MPRIP: variants seen among roughly 807,000 people sequenced by gnomAD.
MPRIP encodes myosin phosphatase Rho-interacting protein.
MPRIP carries 59 observed loss-of-function variants against 234.9 expected under a neutral mutation model. That is an observed-to-expected ratio of 0.25 (90% CI 0.20 to 0.31). MPRIP has a LOEUF of 0.31. MPRIP is among the 10% of genes least tolerant of loss of function. MPRIP has a pLI of 1.00. For missense variants in MPRIP, 2,436 were observed against 3,071.0 expected, an observed-to-expected ratio of 0.79 and a Z score of 4.89; for synonymous variants, 1,144 against 1,263.9, an observed-to-expected ratio of 0.91 and a Z score of 2.01.
At position 17,166,217 on chromosome 17, in the gene MPRIP, T is replaced by C. The variant is rs1330624442; in HGVS notation, c.4626T>C (p.Asn1542=). 1.5e-6 allele frequency: 2 copies of C among 1,303,362 alleles called. No homozygotes were observed. Among genetic ancestry groups the C allele is most frequent in the South Asian group, 1.2e-5 (1 of 80,970 alleles). 80.7% of individuals were successfully genotyped at this position (1,303,362 alleles called of 1,614,324 possible). A position where few individuals can be genotyped will look rare whatever the true frequency, so the allele number is the denominator to read the frequency against. Residue 1542 remains asparagine (N), a synonymous_variant, in exon 16 of 24, where the codon AAT becomes AAC. Transcript: ENST00000651222. This position sits in a 1 kb window ranked among gnomAD's most constrained non-coding sequence, Gnocchi z 4.4. ...TGGAGACAGGTGGCACCGAGGAGAATGGGAAGCCTGCCTCCCTGCAGCAGT... is the reference window on the plus strand; with the variant it reads ...TGGAGACAGGTGGCACCGAGGAGAACGGGAAGCCTGCCTCCCTGCAGCAGT... ...AQLETGGTEE[N]GKPASLQQCS...
chr17:17,159,110 G>C, intron 14 of MPRIP, 108 bp downstream of exon 14: 1 of 1,151,940 alleles, frequency 8.7e-7, no homozygotes. Flanking sequence ...CTACCCGCGA[G>C]GGACTTGCAG....
At position 17,178,930 on chromosome 17, in the gene MPRIP, A is replaced by G. The variant is rs1280841289; in HGVS notation, c.7121-1073A>G. On this transcript the variant is annotated intron_variant, in intron 22 of 23. Transcript: ENST00000651222. Reference sequence around the variant, plus strand: ...TGAGACCCTGCCTCAAAAAAAAAAGAAAAAAAAAACCTGTGCTGACCTGTG... The same window carrying G: ...TGAGACCCTGCCTCAAAAAAAAAAGGAAAAAAAAACCTGTGCTGACCTGTG... Among the ~76,000 whole-genome samples, 11 of 143,144 alleles carry G rather than the reference A, an allele frequency of 7.7e-5. No homozygotes were observed. The East Asian group carries it at 1.8e-3, about 23-fold the overall frequency. 93.9% of individuals were successfully genotyped at this position (143,144 alleles called of 152,430 possible).
rs1413252493 is a variant in MPRIP, at chr17:17,192,438, GGGGGA to G, written c.*7549_*7553del. 8.3e-6 allele frequency: 1 copy of G among 120,488 alleles called. No homozygotes were observed. Among genetic ancestry groups the G allele is most frequent in the Non-Finnish European group, 1.7e-5 (1 of 57,156 alleles). The allele number at this position is 120,488 out of a possible 1,614,324, so 7.5% of individuals were successfully genotyped here. On this transcript the variant is annotated 3_prime_UTR_variant, in exon 24 of 24. Coordinates refer to ENST00000651222, the MANE Select transcript of MPRIP (RefSeq NM_001364716.4). Reference sequence around the variant, plus strand: ...TGCTGCTTTTTTTTTGGGGGGGGGGGGGGGAGGGGCGTCTTGAGGCTTTTTTTTTT... The same window carrying G: ...TGCTGCTTTTTTTTTGGGGGGGGGGGGGGGCGTCTTGAGGCTTTTTTTTTT...
chr17:17,150,275 A>G, intron 12 of MPRIP, 42 bp downstream of exon 12: 1 of 1,466,850 alleles, frequency 6.8e-7, no homozygotes, highest in Admixed American at 1.7e-5. Flanking sequence ...CTTGACAGGC[A>G]GGGATGCATG....
At chr17:17,144,877 C>G (rs1174520063) in intron 9 of MPRIP, among the ~76,000 whole-genome samples, 1 of 152,236 alleles carries the variant, frequency 6.6e-6, no homozygotes, top group Non-Finnish European at 1.5e-5. Context: ...GATCTGCAAG[C>G]TAAGCAGGCT....
rs978555370 is a variant in MPRIP, at chr17:17,142,818, C to T, written c.1389+53C>T. 57 of 1,581,250 alleles carry T rather than the reference C, an allele frequency of 3.6e-5. No homozygotes were observed. The Middle Eastern group carries it at 5.7e-4, about 16-fold the overall frequency. On this transcript the variant is annotated intron_variant, in intron 8 of 23. Transcript: ENST00000651222. Reference sequence around the variant, plus strand: ...CAGGGGTGGCTCGGGGGCGGGTCAGCATGCACCCCATGCGCCAAGTCCCCT... The same window carrying T: ...CAGGGGTGGCTCGGGGGCGGGTCAGTATGCACCCCATGCGCCAAGTCCCCT...
At chr17:17,158,213 G>A (rs1447396378) in intron 13 of MPRIP, among the ~76,000 whole-genome samples, 2 of 138,400 alleles carry the variant, frequency 1.4e-5, no homozygotes, top group Non-Finnish European at 3.2e-5. Context: ...TCCCCTCCCC[G>A]TCCCCCTCCC....
chr17:17,127,076 C>T (rs118023997), intron 4 of MPRIP, among the ~76,000 whole-genome samples: 1,798 of 152,348 alleles, frequency 0.012, 12 homozygotes, highest in Non-Finnish European at 0.02. Context: ...TTGCTCTGGC[C>T]ACCTTACCCT....
chr17:17,166,589 A>G lies in MPRIP; in HGVS notation c.4998A>G (p.Thr1666=), dbSNP rs1597494980. The G allele has an allele frequency of 3.8e-6, 5 of 1,304,020 alleles. No homozygotes were observed. Among genetic ancestry groups the G allele is most frequent in the Admixed American group, 4.6e-5 (2 of 43,548 alleles). The allele number at this position is 1,304,020 out of a possible 1,614,324, so 80.8% of individuals were successfully genotyped here. The change falls in exon 16 of 24, where the codon ACA becomes ACG. Residue 1666 remains threonine, a synonymous_variant. Coordinates refer to ENST00000651222, the MANE Select transcript of MPRIP (RefSeq NM_001364716.4). The surrounding 1 kb of genome is among the most constrained non-coding windows in gnomAD (Gnocchi z 4.4). ...TGGCCCCCATCCTGGCCAATGCCACATGGGTCAGGGCAGAGCTCAGCTTTG... is the reference window on the plus strand; with the variant it reads ...TGGCCCCCATCCTGGCCAATGCCACGTGGGTCAGGGCAGAGCTCAGCTTTG... ...QGLAPILANA[T]WVRAELSFAT...
Position 17,130,857 on chromosome 17 carries a change from C to G in MPRIP, c.420-760C>G, listed in dbSNP as rs569304035. 5.9e-5 allele frequency among the ~76,000 whole-genome samples: 9 copies of G among 152,262 alleles called. No individual in the cohort carries two copies. In the South Asian group the frequency reaches 1.9e-3, roughly 32 times the overall value. On this transcript the variant is annotated intron_variant, in intron 4 of 23. Transcript: ENST00000651222. The stretch of plus-strand genomic sequence containing the variant: ...TGGTTCCTTTGTCTGTTGTAAAATT[C>G]TATATGGTGGAAGTAGTTGTGCCAT...
At chr17:17,161,639 A>T (rs1286275894) in intron 15 of MPRIP, among the ~76,000 whole-genome samples, 1 of 152,086 alleles carries the variant, frequency 6.6e-6, no homozygotes, top group Non-Finnish European at 1.5e-5. Context: ...TTTCCCTTTG[A>T]CTCTGAAAGT....
At chr17:17,107,671 A>G (rs1193704200) in intron 3 of MPRIP, among the ~76,000 whole-genome samples, 2 of 151,972 alleles carry the variant, frequency 1.3e-5, no homozygotes, top group Non-Finnish European at 2.9e-5. Flanking sequence ...AGCAATCCCT[A>G]CCCTCCTTTG....
At position 17,177,404 on chromosome 17, in the gene MPRIP, C is replaced by A. The variant is rs1206534248; in HGVS notation, c.7112C>A (p.Ser2371Tyr). ...AAGTCCCCTGACAGTGCCACGGTGT[C>A]CGGATATGGTGCGTCCTCGGGTCAT... ...GEKSPDSATV[S>Y]GYDIMKSKSN... The change falls in exon 22 of 24, where the codon TCC becomes TAC. Residue 2371 changes from serine (S) to tyrosine (Y), a missense_variant. Ser to Tyr is a moderately radical substitution (Grantham distance 144). Coordinates refer to ENST00000651222, the MANE Select transcript of MPRIP (RefSeq NM_001364716.4). 6.2e-7 allele frequency: 1 copy of A among 1,613,376 alleles called. No individual in the cohort carries two copies. The highest frequency in any genetic ancestry group is 8.5e-7 in the Non-Finnish European group (1 of 1,179,828).
At chr17:17,067,459 G>A (rs951203289) in intron 1 of MPRIP, among the ~76,000 whole-genome samples, 4 of 152,180 alleles carry the variant, frequency 2.6e-5, no homozygotes, top group Non-Finnish European at 4.4e-5. Flanking sequence ...ACAAAGGGGA[G>A]GCTCCACATC....
chr17:17,175,367 C>A lies in MPRIP; in HGVS notation c.6825C>A (p.Ala2275=). The A allele has an allele frequency of 6.2e-7, 1 of 1,613,242 alleles. No homozygotes were observed. Among genetic ancestry groups the A allele is most frequent in the Non-Finnish European group, 8.5e-7 (1 of 1,179,904 alleles). Residue 2275 remains alanine (A), a synonymous_variant, in exon 20 of 24, where the codon GCC becomes GCA. Transcript: ENST00000651222. ...TLLTGDGGGE[A]TGSPLAQGKD... Reference sequence around the variant, plus strand: ...TGACTGGGGACGGCGGTGGGGAGGCCACTGGGTCACCCCTTGCACAGGGCA... The same window carrying A: ...TGACTGGGGACGGCGGTGGGGAGGCAACTGGGTCACCCCTTGCACAGGGCA...
chr17:17,112,192 G>A (rs574238040), intron 3 of MPRIP, among the ~76,000 whole-genome samples: 2 of 152,214 alleles, frequency 1.3e-5, no homozygotes, highest in Middle Eastern at 3.4e-3. Context: ...GGGTAACGGC[G>A]CTTTCTTATC....
intron 3 of MPRIP, among the ~76,000 whole-genome samples, chr17:17,087,535 C>A (rs2089618445): frequency 6.6e-6 from 1 of 152,192 alleles, no homozygotes; most frequent in Non-Finnish European, 1.5e-5. Context: ...CTGCAGGTCA[C>A]CCTGGGTCAT....
At chr17:17,112,597 AC>A (rs1461831897) in intron 3 of MPRIP, among the ~76,000 whole-genome samples, 1 of 152,150 alleles carries the variant, frequency 6.6e-6, no homozygotes, top group East Asian at 1.9e-4. Flanking sequence ...CTCACTCAGG[AC>A]CGTCATCTGC....
At chr17:17,075,002 A>G (rs1332363844) in intron 1 of MPRIP, among the ~76,000 whole-genome samples, 1 of 152,192 alleles carries the variant, frequency 6.6e-6, no homozygotes, top group Non-Finnish European at 1.5e-5. Flanking sequence ...GTGTGTATAC[A>G]TAGGGGTGAA....
Sources: allele counts gnomAD v4.1 joint callset (sites outside exome capture counted in the v4.1 genomes callset), GRCh38; gene constraint gnomAD v4.1.1; non-coding constraint Gnocchi (gnomAD v3.1); transcripts MANE v1.5; gene names NCBI Gene and HGNC (gene_info 2026-07-23, HGNC 2026-07-21).